PALM2AKAP2: variants seen among roughly 807,000 people sequenced by gnomAD.
PALM2AKAP2 encodes the protein PALM2 and AKAP2 fusion.
Under a neutral mutation model 71.5 loss-of-function variants are expected in PALM2AKAP2, and 37 were observed. That is an observed-to-expected ratio of 0.52 (90% CI 0.40 to 0.68). The LOEUF (loss-of-function observed/expected upper bound fraction) is 0.68. Among genes scored for constraint, PALM2AKAP2 ranks in the 30% least tolerant of loss-of-function variants. The probability of loss-of-function intolerance (pLI) is 0.00; values close to 1 mark genes in which losing one functional copy is unlikely to be tolerated. For missense variants in PALM2AKAP2, 1,224 were observed against 1,191.8 expected (o/e 1.03, Z -0.40); for synonymous variants, 468 against 478.8 (o/e 0.98, Z 0.29).
intron 6 of PALM2AKAP2, among the ~76,000 whole-genome samples, chr9:109,985,383 G>C (rs1832353236): frequency 1.3e-5 from 2 of 151,810 alleles, no homozygotes; most frequent in African/African-American, 4.8e-5. Context: ...ACTTTGGGAG[G>C]CCGAGGTGGG....
exon 4 of PALM2AKAP2, chr9:110,171,034 G>C (rs1477647530): frequency 6.6e-6 from 1 of 152,212 alleles, no homozygotes; most frequent in Non-Finnish European, 1.5e-5. Context: ...AGAGACCATA[G>C]ACATGATATA....
intron 1 of PALM2AKAP2, among the ~76,000 whole-genome samples, chr9:109,755,904 A>G (rs551959755): frequency 1.3e-5 from 2 of 152,226 alleles, no homozygotes; most frequent in Admixed American, 6.5e-5. Context: ...AAACTGTAAA[A>G]ATGGCAGCAC....
At chr9:110,104,637 T>G (rs991630498) in intron 1 of PALM2AKAP2, among the ~76,000 whole-genome samples, 2 of 152,182 alleles carry the variant, frequency 1.3e-5, no homozygotes, top group African/African-American at 4.8e-5. Context: ...AGACTCAAGA[T>G]AGAGGGCTGC....
At chr9:110,035,130 G>A (rs1833358042) in intron 7 of PALM2AKAP2, among the ~76,000 whole-genome samples, 1 of 149,502 alleles carries the variant, frequency 6.7e-6, no homozygotes, top group South Asian at 2.1e-4. Flanking sequence ...TGTTTTACAA[G>A]TGCTTTTTTT....
intron 6 of PALM2AKAP2, among the ~76,000 whole-genome samples, chr9:109,964,712 G>A (rs182028935): frequency 1.5e-4 from 23 of 152,228 alleles, no homozygotes; most frequent in Admixed American, 2.6e-4. Flanking sequence ...CAAGGCTTTG[G>A]ACTTGAGTAT....
chr9:109,979,655 A>G (rs1329332260), intron 6 of PALM2AKAP2, among the ~76,000 whole-genome samples: 1 of 152,304 alleles, frequency 6.6e-6, no homozygotes, highest in Non-Finnish European at 1.5e-5. Flanking sequence ...TAGGTATTCA[A>G]CAAATGACTG....
intron 1 of PALM2AKAP2, among the ~76,000 whole-genome samples, chr9:109,717,265 GC>G: frequency 6.6e-6 from 1 of 152,328 alleles, no homozygotes; most frequent in Non-Finnish European, 1.5e-5. Flanking sequence ...TTCTAGGGAA[GC>G]CTGTTTAATT....
chr9:109,999,942 C>CT (rs200293817), intron 6 of PALM2AKAP2, among the ~76,000 whole-genome samples: 2,780 of 137,850 alleles, frequency 0.02, 90 homozygotes, highest in African/African-American at 0.067. Context: ...CTTTTCTTTC[C>CT]TTTTTTTTTT....
intron 1 of PALM2AKAP2, among the ~76,000 whole-genome samples, chr9:109,800,514 C>T (rs1405064375): frequency 6.6e-6 from 1 of 152,152 alleles, no homozygotes; most frequent in East Asian, 1.9e-4. Context: ...GGCAATTAAA[C>T]GACTCACATG....
chr9:109,976,868 G>A (rs145692251), intron 6 of PALM2AKAP2, among the ~76,000 whole-genome samples: 20 of 152,286 alleles, frequency 1.3e-4, no homozygotes, highest in African/African-American at 4.6e-4. Flanking sequence ...GAGCCAGGAT[G>A]CAAAACCAGG....
intron 1 of PALM2AKAP2, among the ~76,000 whole-genome samples, chr9:110,052,141 A>G (rs944222688): frequency 4.6e-5 from 7 of 152,098 alleles, no homozygotes; most frequent in Non-Finnish European, 8.8e-5. Context: ...TGACCTCGTG[A>G]TCTGCCCGCC....
chr9:110,114,375 T>C (rs1022457613), intron 1 of PALM2AKAP2, among the ~76,000 whole-genome samples: 5 of 152,216 alleles, frequency 3.3e-5, no homozygotes, highest in Non-Finnish European at 5.9e-5. Flanking sequence ...TCTCACCCAG[T>C]ATGATCTCAT....
intron 1 of PALM2AKAP2, among the ~76,000 whole-genome samples, chr9:109,850,362 T>G (rs1020891065): frequency 6.6e-6 from 1 of 152,140 alleles, no homozygotes; most frequent in Non-Finnish European, 1.5e-5. Context: ...GCACAAAACT[T>G]ATTTATCCTA....
intron 1 of PALM2AKAP2, chr9:109,862,778 A>C (rs936399413): frequency 2.2e-6 from 1 of 451,668 alleles, no homozygotes; most frequent in African/African-American, 2.0e-5. Flanking sequence ...AGCTTCATGG[A>C]TATTTAAACT....
At chr9:110,102,186 C>T (rs761980039) in intron 1 of PALM2AKAP2, among the ~76,000 whole-genome samples, 20 of 152,294 alleles carry the variant, frequency 1.3e-4, no homozygotes, top group Middle Eastern at 3.4e-3. Context: ...CTCTGTAGGA[C>T]GGCTTTGTGT....
chr9:110,127,786 A>T (rs1247243237), intron 1 of PALM2AKAP2: 1 of 152,226 alleles, frequency 6.6e-6, no homozygotes, highest in Non-Finnish European at 1.5e-5. Flanking sequence ...TGCCCGGCAC[A>T]GTTTGCGCCG....
At chr9:109,715,569 A>G (rs1052125432) in intron 1 of PALM2AKAP2, among the ~76,000 whole-genome samples, 1 of 152,138 alleles carries the variant, frequency 6.6e-6, no homozygotes, top group Non-Finnish European at 1.5e-5. Context: ...CACTCCCTGC[A>G]GTGCAACCCA....
At chr9:110,016,155 T>G (rs1035806999) in intron 7 of PALM2AKAP2, 116 bp downstream of exon 7, 1 of 1,020,504 alleles carries the variant, frequency 9.8e-7, no homozygotes, top group Non-Finnish European at 1.5e-6. Context: ...TAGAGTTCTC[T>G]CTCTACTCAC....
intron 1 of PALM2AKAP2, among the ~76,000 whole-genome samples, chr9:109,730,077 A>C (rs1828532461): frequency 6.6e-6 from 1 of 152,174 alleles, no homozygotes; most frequent in South Asian, 2.1e-4. Flanking sequence ...TGCAAAGGAG[A>C]CTTTTGGAAC....
Sources: gnomAD v4.1 joint callset for allele counts (sites outside exome capture counted in the v4.1 genomes callset) on GRCh38, gnomAD v4.1.1 for gene constraint, MANE v1.5 for transcripts, NCBI Gene and HGNC (gene_info 2026-07-23, HGNC 2026-07-21) for gene names.